The following AK4 variants were observed in gnomAD, a reference collection of about 807,000 sequenced individuals.
The protein encoded by AK4 is adenylate kinase 4, mitochondrial.
AK4 carries 13 observed loss-of-function variants against 24.6 expected under a neutral mutation model. The observed-to-expected ratio is 0.53, with a 90% CI of 0.34 to 0.84. The LOEUF (loss-of-function observed/expected upper bound fraction) is 0.84, where lower values mean the gene tolerates loss of function less well. AK4 is among the 40% of genes least tolerant of loss of function. The probability of loss-of-function intolerance (pLI) is 0.01; values close to 1 mark genes in which losing one functional copy is unlikely to be tolerated. For missense variants in AK4, 192 were observed against 288.2 expected (o/e 0.67, Z 2.42); for synonymous variants, 88 against 107.0 (o/e 0.82, Z 1.10).
chr1:65,203,187 A>G (rs1297710960), intron 2 of AK4, among the ~76,000 whole-genome samples: 2 of 152,120 alleles, frequency 1.3e-5, no homozygotes, highest in African/African-American at 2.4e-5. Flanking sequence ...AGTCTTGAGC[A>G]AGCAAAGTTT....
At chr1:65,220,527 G>A (rs1652264091) in intron 3 of AK4, among the ~76,000 whole-genome samples, 1 of 152,186 alleles carries the variant, frequency 6.6e-6, no homozygotes, top group Non-Finnish European at 1.5e-5. Context: ...CCAGGCTGGA[G>A]TGCAGTGGCG....
At chr1:65,172,817 C>T (rs969730070) in intron 1 of AK4, among the ~76,000 whole-genome samples, 9 of 147,960 alleles carry the variant, frequency 6.1e-5, no homozygotes, top group Non-Finnish European at 8.9e-5. Flanking sequence ...TCTTCTTCTT[C>T]GCTATTTCTA....
chr1:65,148,590 C>G (rs1250526986), intron 1 of AK4, 38 bp downstream of exon 1: 1 of 1,561,978 alleles, frequency 6.4e-7, no homozygotes, highest in African/African-American at 1.4e-5. Context: ...GGGCGAGCCG[C>G]GTTGGGCTGG....
At chr1:65,149,669 GA>G (rs1649700646) in intron 1 of AK4, among the ~76,000 whole-genome samples, 1 of 152,152 alleles carries the variant, frequency 6.6e-6, no homozygotes, top group South Asian at 2.1e-4. Flanking sequence ...AAAACAAAAG[GA>G]AAGCTTAAAA....
chr1:65,224,430 A>T (rs1421908509), intron 3 of AK4, among the ~76,000 whole-genome samples: 1 of 152,218 alleles, frequency 6.6e-6, no homozygotes, highest in East Asian at 1.9e-4. Context: ...GAGAACCAAG[A>T]TGACAAGGTT....
chr1:65,215,892 G>C (rs975286434), intron 2 of AK4, among the ~76,000 whole-genome samples: 3 of 152,042 alleles, frequency 2.0e-5, no homozygotes, highest in Admixed American at 1.3e-4. Context: ...TTCTTTTCTA[G>C]TGCTTCCCCC....
chr1:65,182,184 GT>G, intron 1 of AK4, among the ~76,000 whole-genome samples: 1 of 152,330 alleles, frequency 6.6e-6, no homozygotes, highest in Non-Finnish European at 1.5e-5. Context: ...ACCTCTCAAA[GT>G]GTTGGGATTA....
intron 1 of AK4, among the ~76,000 whole-genome samples, chr1:65,160,795 A>G (rs1425242230): frequency 6.6e-6 from 1 of 151,890 alleles, no homozygotes; most frequent in Non-Finnish European, 1.5e-5. Context: ...AGGTCTCACT[A>G]TATTGCCCAG....
chr1:65,183,319 TG>T (rs1650972398), intron 1 of AK4, among the ~76,000 whole-genome samples: 1 of 152,184 alleles, frequency 6.6e-6, no homozygotes, highest in African/African-American at 2.4e-5. Flanking sequence ...GGCGTTATCT[TG>T]GCTCATTGCA....
intron 2 of AK4, among the ~76,000 whole-genome samples, chr1:65,196,360 G>C (rs1304005175): frequency 6.6e-6 from 1 of 152,084 alleles, no homozygotes; most frequent in African/African-American, 2.4e-5. Context: ...GGGAGGGGAG[G>C]GAGGGTGAGT....
chr1:65,218,795 A>C lies in AK4; in HGVS notation c.307A>C (p.Ile103Leu). The C allele has an allele frequency of 4.4e-6, 7 of 1,594,356 alleles. No individual in the cohort carries two copies. The highest frequency in any genetic ancestry group is 6.0e-6 in the Non-Finnish European group (7 of 1,172,990). The change falls in exon 3 of 5, where the codon ATC (isoleucine) becomes CTC (leucine). Residue 103 changes from isoleucine (I) to leucine (L), a missense_variant. Ile to Leu is a conservative substitution (Grantham distance 5). Coordinates refer to ENST00000327299, the MANE Select transcript of AK4 (RefSeq NM_013410.4). Reference sequence around the variant, plus strand: ...AGGACAAGCCGAAGCCCTGGACAAAATCTGTGAAGTGGATCTAGTGATCAG... The same window carrying C: ...AGGACAAGCCGAAGCCCTGGACAAACTCTGTGAAGTGGATCTAGTGATCAG... ...TLGQAEALDK[I>L]CEVDLVISLN...
intron 2 of AK4, among the ~76,000 whole-genome samples, chr1:65,192,574 C>T (rs1651339974): frequency 6.6e-6 from 1 of 152,184 alleles, no homozygotes; most frequent in African/African-American, 2.4e-5. Flanking sequence ...TTCATTCTAT[C>T]CTATTAGCCC....
chr1:65,218,344 G>A (rs1306606059), intron 2 of AK4, among the ~76,000 whole-genome samples: 1 of 152,208 alleles, frequency 6.6e-6, no homozygotes, highest in East Asian at 1.9e-4. Context: ...GTAGTTAAGA[G>A]CAGAGAAAGG....
At chr1:65,152,219 C>G (rs2100976808) in intron 1 of AK4, among the ~76,000 whole-genome samples, 1 of 151,132 alleles carries the variant, frequency 6.6e-6, no homozygotes, top group South Asian at 2.1e-4. Context: ...GATCTACTAT[C>G]TCAAGTGCAG....
chr1:65,169,015 A>G (rs536311472), intron 1 of AK4, among the ~76,000 whole-genome samples: 2 of 152,162 alleles, frequency 1.3e-5, no homozygotes, highest in South Asian at 4.2e-4. Context: ...GTGTCTACAA[A>G]AATAAAAACA....
chr1:65,223,116 T>G (rs1367738986), intron 3 of AK4, among the ~76,000 whole-genome samples: 1 of 152,008 alleles, frequency 6.6e-6, no homozygotes, highest in African/African-American at 2.4e-5. Flanking sequence ...TTCTAATTCA[T>G]GCCTTCTGTT....
In AK4 at chr1:65,226,766, GTCTC is replaced by G. The variant is rs1473225714; in HGVS notation, c.*592_*595del. On this transcript the variant is annotated 3_prime_UTR_variant, in exon 5 of 5. Transcript: ENST00000327299. ...CTTTTCTACATCCACGCTCCATAGA[GTCTC>G]TCCTTTTCAGACATCCTGGGATGAA... The G allele has an allele frequency of 6.6e-6, 1 of 150,452 alleles. No individual in the cohort carries two copies. Among genetic ancestry groups the G allele is most frequent in the African/African-American group, 2.4e-5 (1 of 40,842 alleles). 9.3% of individuals were successfully genotyped at this position (150,452 alleles called of 1,614,324 possible).
intron 1 of AK4, among the ~76,000 whole-genome samples, chr1:65,155,255 T>C (rs1204976065): frequency 6.6e-6 from 1 of 151,762 alleles, no homozygotes; most frequent in Admixed American, 6.6e-5. Flanking sequence ...AAATGTTTCA[T>C]TTAGGCCAGG....
chr1:65,180,276 C>G (rs141819645), intron 1 of AK4, among the ~76,000 whole-genome samples: 2 of 152,030 alleles, frequency 1.3e-5, no homozygotes, highest in African/African-American at 4.8e-5. Context: ...GGTAAAACCC[C>G]GTGTCTACTA....
Sources: allele counts gnomAD v4.1 joint callset (sites outside exome capture counted in the v4.1 genomes callset), GRCh38; gene constraint gnomAD v4.1.1; transcripts MANE v1.5; gene names NCBI Gene and HGNC (gene_info 2026-07-23, HGNC 2026-07-21).